The following FHIT variants were observed in gnomAD, a reference collection of about 807,000 sequenced individuals.
FHIT encodes the protein bis(5'-adenosyl)-triphosphatase.
Under a neutral mutation model 17.9 loss-of-function variants are expected in FHIT, and 19 were observed. The observed-to-expected ratio is 1.06, with a 90% CI of 0.74 to 1.56. The LOEUF (loss-of-function observed/expected upper bound fraction) is 1.56, where lower values mean the gene tolerates loss of function less well. Among genes scored for constraint, FHIT ranks in the 40% most tolerant of loss-of-function variants. The pLI, the probability that FHIT is intolerant of heterozygous loss-of-function variation, is 0.00. For missense variants in FHIT, 248 were observed against 189.2 expected, an observed-to-expected ratio of 1.31 and a Z score of -1.82; for synonymous variants, 81 against 69.7, an observed-to-expected ratio of 1.16 and a Z score of -0.81.
At chr3:60,974,550 G>T (rs971194754) in intron 3 of FHIT, among the ~76,000 whole-genome samples, 9 of 152,170 alleles carry the variant, frequency 5.9e-5, no homozygotes, top group African/African-American at 2.2e-4. Flanking sequence ...TCAGTTACAT[G>T]AATCAATAAA....
At chr3:60,078,579 T>C (rs1218205128) in intron 5 of FHIT, among the ~76,000 whole-genome samples, 1 of 152,092 alleles carries the variant, frequency 6.6e-6, no homozygotes, top group African/African-American at 2.4e-5. Context: ...TGGACCCAAA[T>C]AAAAGACAAT....
chr3:60,568,159 CAT>C (rs1448280051), intron 4 of FHIT, among the ~76,000 whole-genome samples: 38 of 152,066 alleles, frequency 2.5e-4, no homozygotes, highest in East Asian at 7.7e-4. Flanking sequence ...CATGCACACA[CAT>C]GTTTATTGCG....
chr3:61,236,157 A>G (rs1259546926), intron 1 of FHIT, among the ~76,000 whole-genome samples: 3 of 148,354 alleles, frequency 2.0e-5, no homozygotes, highest in African/African-American at 7.4e-5. Flanking sequence ...TACTATATGT[A>G]TTATAACATA....
At position 60,841,626 on chromosome 3, in the gene FHIT, C is replaced by G. The variant is rs555063265; in HGVS notation, c.-110-19615G>C. ...GAAACCTGGTTGGGCTGGGCCACCT[C>G]TGGCCTCTAGTGGCTCAGACATTGC... On this transcript the variant is annotated intron_variant, in intron 3 of 9. Transcript: ENST00000492590. Among the ~76,000 whole-genome samples the G allele has an allele frequency of 2.0e-3, 306 of 152,272 alleles. 3 individuals are homozygous for G. The South Asian group carries it at 0.028, about 14-fold the overall frequency.
intron 4 of FHIT, among the ~76,000 whole-genome samples, chr3:60,742,814 T>C (rs1456680488): frequency 1.3e-5 from 2 of 152,206 alleles, no homozygotes; most frequent in East Asian, 1.9e-4. Flanking sequence ...GGATATCAAA[T>C]GACAGTATAC....
intron 5 of FHIT, among the ~76,000 whole-genome samples, chr3:60,429,775 CACA>C (rs1220116026): frequency 2.0e-5 from 3 of 152,126 alleles, no homozygotes; most frequent in Admixed American, 1.3e-4. Context: ...ACTTTATCCC[CACA>C]ACAACTTTCT....
At chr3:60,061,512 G>A (rs897396173) in intron 5 of FHIT, among the ~76,000 whole-genome samples, 1 of 152,130 alleles carries the variant, frequency 6.6e-6, no homozygotes, top group African/African-American at 2.4e-5. Flanking sequence ...CAAACTGAGA[G>A]CATTTTGTAT....
intron 5 of FHIT, among the ~76,000 whole-genome samples, chr3:60,444,495 C>A (rs1261824426): frequency 6.6e-6 from 1 of 152,076 alleles, no homozygotes; most frequent in African/African-American, 2.4e-5. Context: ...ATATATATAC[C>A]ATGGAATACT....
intron 5 of FHIT, among the ~76,000 whole-genome samples, chr3:60,527,618 G>A (rs2035622785): frequency 1.3e-5 from 2 of 152,238 alleles, no homozygotes; most frequent in Non-Finnish European, 2.9e-5. Flanking sequence ...ACTTTCAGAA[G>A]TCACTAAGGT....
intron 2 of FHIT, among the ~76,000 whole-genome samples, chr3:61,166,385 A>T (rs757075825): frequency 6.6e-6 from 1 of 152,144 alleles, no homozygotes; most frequent in African/African-American, 2.4e-5. Flanking sequence ...TTCTGTTTTC[A>T]TTATACCACC....
intron 4 of FHIT, among the ~76,000 whole-genome samples, chr3:60,640,712 G>C (rs1225175686): frequency 6.6e-6 from 1 of 152,134 alleles, no homozygotes; most frequent in African/African-American, 2.4e-5. Context: ...TGAAAAAAAT[G>C]TGAGGAAATG....
At chr3:61,226,397 G>A (rs1242831676) in intron 1 of FHIT, among the ~76,000 whole-genome samples, 1 of 151,996 alleles carries the variant, frequency 6.6e-6, no homozygotes, top group Non-Finnish European at 1.5e-5. Flanking sequence ...CCCTGATATG[G>A]TTACTTTCAA....
chr3:60,869,056 A>C (rs1403779443), intron 3 of FHIT, among the ~76,000 whole-genome samples: 1 of 152,164 alleles, frequency 6.6e-6, no homozygotes, highest in Non-Finnish European at 1.5e-5. Context: ...CCAACCTCAG[A>C]TTGGTCTCTT....
At chr3:60,397,555 T>C (rs1428016606) in intron 5 of FHIT, among the ~76,000 whole-genome samples, 1 of 152,180 alleles carries the variant, frequency 6.6e-6, no homozygotes, top group African/African-American at 2.4e-5. Flanking sequence ...GGATCAAGGA[T>C]AGCAGTAGCT....
rs567279754 is a variant in FHIT at position 60,482,892 on chromosome 3, A to C, written c.103+53968T>G. On this transcript the variant is annotated intron_variant, in intron 5 of 9. Transcript: ENST00000492590. ...CAAAAATAAAATAAATGAAGACAAG[A>C]GCTGGTTTTCTTGAAAAAAATAAAA... Among the ~76,000 whole-genome samples, 55 of 152,084 alleles carry C rather than the reference A, an allele frequency of 3.6e-4. 1 individual carries two copies. The highest frequency in any genetic ancestry group is 1.3e-3 in the African/African-American group (53 of 41,498).
chr3:61,212,234 A>G (rs892767629), intron 1 of FHIT, among the ~76,000 whole-genome samples: 1 of 152,220 alleles, frequency 6.6e-6, no homozygotes, highest in Non-Finnish European at 1.5e-5. Context: ...AACCAAAGAC[A>G]AAGAAGTTAA....
intron 5 of FHIT, among the ~76,000 whole-genome samples, chr3:60,513,283 T>A (rs1362573327): frequency 6.6e-6 from 1 of 152,164 alleles, no homozygotes; most frequent in Non-Finnish European, 1.5e-5. Context: ...GAGGTTGAAA[T>A]TTTTACATTC....
intron 8 of FHIT, among the ~76,000 whole-genome samples, chr3:59,776,390 A>G (rs780366): frequency 0.81 from 123,909 of 152,152 alleles, 51,112 homozygotes; most frequent in East Asian, 1. Context: ...AGGGTCCAAA[A>G]ACAAAAAGTG....
At chr3:59,786,518 G>A (rs972222602) in intron 8 of FHIT, among the ~76,000 whole-genome samples, 7 of 152,202 alleles carry the variant, frequency 4.6e-5, no homozygotes, top group Admixed American at 1.3e-4. Flanking sequence ...TGTGTCAGAC[G>A]TGCGATGCGT....
Sources: gnomAD v4.1 joint callset for allele counts (sites outside exome capture counted in the v4.1 genomes callset) on GRCh38, gnomAD v4.1.1 for gene constraint, MANE v1.5 for transcripts, NCBI Gene and HGNC (gene_info 2026-07-23, HGNC 2026-07-21) for gene names.